The following UBE2D2 variants were observed in gnomAD, a reference collection of about 807,000 sequenced individuals.
UBE2D2 encodes the protein ubiquitin-conjugating enzyme E2 D2.
In UBE2D2, 2 loss-of-function variants were observed where a neutral mutation model predicts 24.2. The observed-to-expected ratio is 0.08, with a 90% confidence interval of 0.03 to 0.26. The LOEUF (loss-of-function observed/expected upper bound fraction) is 0.26, where lower values mean the gene tolerates loss of function less well. Among genes scored for constraint, UBE2D2 ranks in the 10% least tolerant of loss-of-function variants. The probability of loss-of-function intolerance (pLI) is 1.00; values close to 1 mark genes in which losing one functional copy is unlikely to be tolerated. For synonymous variants in UBE2D2, 58 were observed against 56.5 expected, an observed-to-expected ratio of 1.03 and a Z score of -0.12; for missense variants, 44 against 177.6, an observed-to-expected ratio of 0.25 and a Z score of 4.28.
At chr5:139,602,095 G>A (rs1434262243) in intron 2 of UBE2D2, among the ~76,000 whole-genome samples, 6 of 151,858 alleles carry the variant, frequency 4.0e-5, no homozygotes, top group Non-Finnish European at 7.4e-5. Context: ...TCTGTTGCCC[G>A]TGCTGGAGTG....
In UBE2D2 at chr5:139,540,231, T is replaced by C. The variant is rs186327524; in HGVS notation, c.-64+13619T>C. 1.2e-3 allele frequency among the ~76,000 whole-genome samples: 188 copies of C among 152,290 alleles called. 3 individuals carry two copies. Among genetic ancestry groups the C allele is most frequent in the Non-Finnish European group, 3.7e-4 (25 of 68,018 alleles). ...ACCACGCCGGGCTATACTATAATTATATAAGATGTAACCATTGGGGGAAAA... is the reference window on the plus strand; with the variant it reads ...ACCACGCCGGGCTATACTATAATTACATAAGATGTAACCATTGGGGGAAAA... On this transcript the variant is annotated intron_variant, in intron 1 of 6. Coordinates refer to the UBE2D2 transcript ENST00000511725.
At chr5:139,607,216 A>G (rs1291313263) in intron 2 of UBE2D2, among the ~76,000 whole-genome samples, 1 of 152,246 alleles carries the variant, frequency 6.6e-6, no homozygotes, top group Admixed American at 6.5e-5. Context: ...AAAGGCTTCC[A>G]GAGAGTAACC....
chr5:139,600,028 C>G (rs574995174), intron 1 of UBE2D2, among the ~76,000 whole-genome samples: 55 of 152,156 alleles, frequency 3.6e-4, no homozygotes, highest in Admixed American at 1.1e-3. Context: ...GAACTCCTGA[C>G]CTCAAGTGAT....
chr5:139,563,933 CA>C (rs369161041), intron 1 of UBE2D2, among the ~76,000 whole-genome samples: 8 of 144,972 alleles, frequency 5.5e-5, no homozygotes, highest in Non-Finnish European at 9.1e-5. Context: ...GACTCCCTTT[CA>C]AAAAAAAAAG....
In UBE2D2 at chr5:139,623,468, A is replaced by G. The variant is rs1466377799; in HGVS notation, c.398+7A>G. On this transcript the variant is annotated splice_region_variant and intron_variant, in intron 6 of 6. Transcript: ENST00000398733. Reference sequence around the variant, plus strand: ...ACAAAACAGATAGAGAAAAGTAAGTATGGCCTCAAGATGGAAAGTTATCTG... The same window carrying G: ...ACAAAACAGATAGAGAAAAGTAAGTGTGGCCTCAAGATGGAAAGTTATCTG... The G allele has an allele frequency of 3.1e-6, 5 of 1,596,002 alleles. No homozygotes were observed. Among genetic ancestry groups the G allele is most frequent in the East Asian group, 2.2e-5 (1 of 44,488 alleles).
intron 1 of UBE2D2, among the ~76,000 whole-genome samples, chr5:139,546,823 TTCCTTCCTTCCTTC>T (rs1561498198): frequency 0.017 from 239 of 14,140 alleles, 1 homozygote; most frequent in African/African-American, 0.096. Context: ...TCTTTCTTCC[TTCCTTCCTTCCTTC>T]CTTCCTTCCT....
At chr5:139,570,212 G>A (rs972122151) in intron 1 of UBE2D2, among the ~76,000 whole-genome samples, 3 of 152,072 alleles carry the variant, frequency 2.0e-5, no homozygotes, top group African/African-American at 4.8e-5. Flanking sequence ...TTAAGGCTAC[G>A]GTGAGCTGTG....
intron 1 of UBE2D2, among the ~76,000 whole-genome samples, chr5:139,571,656 C>A (rs1248523279): frequency 6.6e-6 from 1 of 152,052 alleles, no homozygotes; most frequent in African/African-American, 2.4e-5. Flanking sequence ...TTAGTCATAG[C>A]CCTTCTCCCC....
intron 1 of UBE2D2, among the ~76,000 whole-genome samples, chr5:139,566,606 T>TA (rs1461852320): frequency 6.6e-6 from 1 of 151,596 alleles, no homozygotes; most frequent in Non-Finnish European, 1.5e-5. Context: ...GCCTGGGAGG[T>TA]AGAGGCTGCA....
At chr5:139,540,281 T>C (rs1752737946) in intron 1 of UBE2D2, among the ~76,000 whole-genome samples, 1 of 152,202 alleles carries the variant, frequency 6.6e-6, no homozygotes. Flanking sequence ...ACTGGAACTC[T>C]CTGTACTATT....
chr5:139,584,206 A>G (rs1753667900), intron 1 of UBE2D2, among the ~76,000 whole-genome samples: 1 of 152,076 alleles, frequency 6.6e-6, no homozygotes, highest in Non-Finnish European at 1.5e-5. Context: ...CTGTTTAGAT[A>G]TATTTAGGAT....
intron 1 of UBE2D2, among the ~76,000 whole-genome samples, chr5:139,571,798 A>G (rs1313240812): frequency 7.8e-6 from 1 of 127,512 alleles, no homozygotes; most frequent in Non-Finnish European, 1.6e-5. Context: ...TCCCTCACTC[A>G]CTTCCTCCCT....
chr5:139,579,247 A>C (rs1433186478), intron 1 of UBE2D2, among the ~76,000 whole-genome samples: 2 of 152,184 alleles, frequency 1.3e-5, no homozygotes, highest in Admixed American at 6.6e-5. Flanking sequence ...TCCCCGGTTC[A>C]AGCAATTCTC....
At chr5:139,582,580 C>T (rs1382817066) in intron 1 of UBE2D2, among the ~76,000 whole-genome samples, 2 of 151,916 alleles carry the variant, frequency 1.3e-5, no homozygotes, top group African/African-American at 4.8e-5. Context: ...CTGCCTACCA[C>T]ATGCGACCAG....
chr5:139,546,845 C>CCTTT (rs1561498216), intron 1 of UBE2D2, among the ~76,000 whole-genome samples: 1 of 143,770 alleles, frequency 7.0e-6, no homozygotes, highest in Non-Finnish European at 1.6e-5. Flanking sequence ...TTCCTTCCTT[C>CCTTT]CTTCCTTCCT....
At chr5:139,606,459 G>A (rs1212110158) in intron 2 of UBE2D2, among the ~76,000 whole-genome samples, 2 of 152,004 alleles carry the variant, frequency 1.3e-5, no homozygotes, top group African/African-American at 2.4e-5. Context: ...CACTGCGCCC[G>A]GCCTGTCCCT....
chr5:139,549,966 G>C (rs965882091), intron 1 of UBE2D2, among the ~76,000 whole-genome samples: 10 of 152,198 alleles, frequency 6.6e-5, no homozygotes, highest in African/African-American at 2.4e-4. Context: ...CTAGCTAAAG[G>C]ATTGTAAATA....
intron 2 of UBE2D2, among the ~76,000 whole-genome samples, chr5:139,613,577 T>C (rs530652745): frequency 1.2e-4 from 19 of 152,294 alleles, no homozygotes; most frequent in African/African-American, 4.3e-4. Context: ...CAGCTAATAT[T>C]TTCTTCTTAA....
At chr5:139,532,791 T>C (rs557369759) in intron 1 of UBE2D2, among the ~76,000 whole-genome samples, 23 of 152,006 alleles carry the variant, frequency 1.5e-4, no homozygotes, top group Admixed American at 1.0e-3. Context: ...CTTGCCCTAT[T>C]CTACTATTTT....
Sources: gnomAD v4.1 joint callset for allele counts (sites outside exome capture counted in the v4.1 genomes callset) on GRCh38, gnomAD v4.1.1 for gene constraint, MANE v1.5 for transcripts, NCBI Gene and HGNC (gene_info 2026-07-23, HGNC 2026-07-21) for gene names.